Variants in CRTAC1 observed in about 807,000 individuals in gnomAD.
The protein encoded by CRTAC1 is acidic secreted protein in cartilage.
Under a neutral mutation model 67.8 loss-of-function variants are expected in CRTAC1, and 37 were observed. The ratio of observed to expected loss-of-function variants is 0.55; its 90% CI spans 0.42 to 0.72. The LOEUF (loss-of-function observed/expected upper bound fraction) is 0.72, where lower values mean the gene tolerates loss of function less well. CRTAC1 is among the 30% of genes least tolerant of loss of function. The pLI is 0.00. For synonymous variants in CRTAC1, 348 were observed against 371.0 expected, an observed-to-expected ratio of 0.94 and a Z score of 0.71; for missense variants, 780 against 931.6, an observed-to-expected ratio of 0.84 and a Z score of 2.12.
At chr10:97,956,209 C>T (rs377611103) in intron 2 of CRTAC1, among the ~76,000 whole-genome samples, 1 of 152,308 alleles carries the variant, frequency 6.6e-6, no homozygotes, top group Admixed American at 6.5e-5. Context: ...AGAACGCATC[C>T]TAATGTCAGC....
At chr10:97,947,905 ATAATAAT>A (rs903353021) in intron 2 of CRTAC1, among the ~76,000 whole-genome samples, 4 of 152,164 alleles carry the variant, frequency 2.6e-5, no homozygotes, top group African/African-American at 9.7e-5. Flanking sequence ...AATAAATAAA[ATAATAAT>A]TAAGAAATAG....
intron 2 of CRTAC1, among the ~76,000 whole-genome samples, chr10:97,946,870 G>A (rs527457546): frequency 1.1e-4 from 16 of 152,262 alleles, no homozygotes; most frequent in African/African-American, 2.9e-4. Context: ...TTCTCGAAAC[G>A]GTCTGGTTCG....
intron 1 of CRTAC1, among the ~76,000 whole-genome samples, chr10:98,022,210 C>G (rs972219576): frequency 6.6e-5 from 10 of 152,054 alleles, no homozygotes; most frequent in Admixed American, 3.9e-4. Flanking sequence ...ACAAAATTAG[C>G]TGGGTGTGGT....
At chr10:98,027,993 T>C (rs559014334) in intron 1 of CRTAC1, among the ~76,000 whole-genome samples, 3 of 152,172 alleles carry the variant, frequency 2.0e-5, no homozygotes, top group Non-Finnish European at 2.9e-5. Flanking sequence ...CATGTGAGTG[T>C]TGGGATGGAA....
At chr10:97,897,500 C>T (rs2050478188) in intron 8 of CRTAC1, among the ~76,000 whole-genome samples, 1 of 152,212 alleles carries the variant, frequency 6.6e-6, no homozygotes, top group South Asian at 2.1e-4. Flanking sequence ...AATGTGAGCT[C>T]TCTGCAGGCT....
intron 2 of CRTAC1, among the ~76,000 whole-genome samples, chr10:97,946,276 A>G (rs1169990212): frequency 6.6e-6 from 1 of 152,226 alleles, no homozygotes; most frequent in Non-Finnish European, 1.5e-5. Flanking sequence ...CAGGAACAGC[A>G]AAAGTGCAGC....
intron 2 of CRTAC1, among the ~76,000 whole-genome samples, chr10:98,000,102 G>A (rs1258833052): frequency 6.6e-6 from 1 of 152,172 alleles, no homozygotes; most frequent in Non-Finnish European, 1.5e-5. Flanking sequence ...TCTTAGTCTG[G>A]CTCACCATTC....
intron 2 of CRTAC1, among the ~76,000 whole-genome samples, chr10:98,010,625 G>A (rs1842886861): frequency 6.6e-6 from 1 of 152,160 alleles, no homozygotes; most frequent in South Asian, 2.1e-4. Flanking sequence ...GGCATGCTCA[G>A]CGGAGGTTTA....
chr10:98,011,457 G>T, intron 1 of CRTAC1, 120 bp from the exon 2 acceptor site: 3 of 1,149,332 alleles, frequency 2.6e-6, no homozygotes, highest in South Asian at 3.0e-5. Context: ...GCTTGACAGT[G>T]CCTAGGCTGC....
intron 1 of CRTAC1, among the ~76,000 whole-genome samples, chr10:98,028,006 G>A (rs937013922): frequency 6.6e-6 from 1 of 152,156 alleles, no homozygotes; most frequent in Non-Finnish European, 1.5e-5. Context: ...GGATGGAATG[G>A]GGTTGGATGA....
chr10:98,017,195 TG>T (rs1843015772), intron 1 of CRTAC1, among the ~76,000 whole-genome samples: 1 of 152,192 alleles, frequency 6.6e-6, no homozygotes, highest in South Asian at 2.1e-4. Context: ...CAGTACTCCA[TG>T]CAGAGATGTG....
At chr10:97,867,716 C>G (rs74153107) in intron 14 of CRTAC1, 1 of 124,354 alleles carries the variant, frequency 8.0e-6, no homozygotes, top group Non-Finnish European at 1.7e-5. Context: ...TTTTTTTTTT[C>G]TTTTTCCAAT....
chr10:97,881,068 T>C (rs918346030), intron 13 of CRTAC1, among the ~76,000 whole-genome samples: 2 of 152,208 alleles, frequency 1.3e-5, no homozygotes, highest in African/African-American at 4.8e-5. Context: ...AGCTGCCTCC[T>C]CACAGAATAC....
chr10:97,885,106 G>A (rs1177639115), intron 11 of CRTAC1, among the ~76,000 whole-genome samples: 3 of 152,216 alleles, frequency 2.0e-5, no homozygotes, highest in African/African-American at 4.8e-5. Context: ...AGTAGGGCAA[G>A]TAGGTAAGGA....
At chr10:97,937,962 G>T (rs1046851178) in intron 2 of CRTAC1, among the ~76,000 whole-genome samples, 1 of 152,242 alleles carries the variant, frequency 6.6e-6, no homozygotes, top group Non-Finnish European at 1.5e-5. Flanking sequence ...GTCTTTGAGA[G>T]AAATCACGTC....
intron 2 of CRTAC1, among the ~76,000 whole-genome samples, chr10:97,946,567 T>C (rs511346): frequency 0.43 from 65,637 of 151,998 alleles, 14,571 homozygotes; most frequent in African/African-American, 0.52. Context: ...CTGTGGTTGG[T>C]AGCTTTCAAC....
intron 4 of CRTAC1, among the ~76,000 whole-genome samples, chr10:97,918,926 G>A (rs1015708463): frequency 1.3e-5 from 2 of 151,950 alleles, no homozygotes; most frequent in Non-Finnish European, 2.9e-5. Flanking sequence ...TGGGATTACA[G>A]GCACGCACCA....
At chr10:97,936,406 C>T (rs1439130377) in intron 2 of CRTAC1, 40 bp from the exon 3 acceptor site, 1 of 1,538,424 alleles carries the variant, frequency 6.5e-7, no homozygotes. Flanking sequence ...GGAGGAGCCG[C>T]TGGGCCCACC....
chr10:97,954,369 C>A (rs1427135130), intron 2 of CRTAC1, among the ~76,000 whole-genome samples: 1 of 152,188 alleles, frequency 6.6e-6, no homozygotes. Context: ...AAAGGCAGAC[C>A]TGTTGTCAGA....
Sources: allele counts gnomAD v4.1 joint callset (sites outside exome capture counted in the v4.1 genomes callset), GRCh38; gene constraint gnomAD v4.1.1; transcripts MANE v1.5; gene names NCBI Gene and HGNC (gene_info 2026-07-23, HGNC 2026-07-21).